PRKN: variants seen among roughly 807,000 people sequenced by gnomAD.
PRKN encodes E3 ubiquitin-protein ligase parkin.
In PRKN, 56 loss-of-function variants were observed where a neutral mutation model predicts 59.5. The observed-to-expected ratio is 0.94, with a 90% CI of 0.76 to 1.18. The LOEUF (loss-of-function observed/expected upper bound fraction) is 1.18. Among genes scored for constraint, PRKN ranks in the 50% most tolerant of loss-of-function variants. The pLI is 0.00. For missense variants in PRKN, 657 were observed against 596.4 expected (o/e 1.10, Z -1.06); for synonymous variants, 250 against 222.1 (o/e 1.13, Z -1.12).
rs117348630 is a variant in PRKN at position 161,643,460 on chromosome 6, A to C, written c.872-74044T>G. ...TAGGAGAACATTTTTTATGCTACTAAATTTAGATAACTCAAATTCAATAGT... is the reference window on the plus strand; with the variant it reads ...TAGGAGAACATTTTTTATGCTACTACATTTAGATAACTCAAATTCAATAGT... On this transcript the variant is annotated intron_variant, in intron 7 of 11. Coordinates refer to ENST00000366898, the MANE Select transcript of PRKN (RefSeq NM_004562.3). Among the ~76,000 whole-genome samples the C allele has an allele frequency of 4.9e-3, 749 of 152,316 alleles. 17 individuals carry two copies. The East Asian group carries it at 0.062, about 13-fold the overall frequency.
chr6:162,125,116 C>T (rs1210746371), intron 4 of PRKN, among the ~76,000 whole-genome samples: 1 of 152,172 alleles, frequency 6.6e-6, no homozygotes, highest in Non-Finnish European at 1.5e-5. Context: ...GACACGTAGT[C>T]CTCAGTTCTG....
intron 6 of PRKN, among the ~76,000 whole-genome samples, chr6:161,825,769 G>T (rs140862974): frequency 6.6e-6 from 1 of 152,170 alleles, no homozygotes; most frequent in East Asian, 1.9e-4. Flanking sequence ...GGAGGATTCT[G>T]GGTAAACAAA....
chr6:161,653,748 T>C (rs556994619), intron 7 of PRKN, among the ~76,000 whole-genome samples: 22 of 152,358 alleles, frequency 1.4e-4, no homozygotes, highest in African/African-American at 5.0e-4. Context: ...TGGGTCTTTA[T>C]AGATTTTCTT....
At chr6:162,277,116 C>T (rs1416231776) in intron 2 of PRKN, among the ~76,000 whole-genome samples, 1 of 152,020 alleles carries the variant, frequency 6.6e-6, no homozygotes, top group East Asian at 1.9e-4. Context: ...TTTTTGAAGG[C>T]ACTGATATAA....
chr6:161,632,836 AACTC>A (rs201791983), intron 7 of PRKN, among the ~76,000 whole-genome samples: 1,845 of 152,258 alleles, frequency 0.012, 30 homozygotes, highest in African/African-American at 0.043. Flanking sequence ...ATCTCGTGAG[AACTC>A]ACTCACTATC....
intron 6 of PRKN, among the ~76,000 whole-genome samples, chr6:161,846,370 T>G (rs918875892): frequency 6.6e-6 from 1 of 152,214 alleles, no homozygotes; most frequent in African/African-American, 2.4e-5. Flanking sequence ...CTATTTTACA[T>G]AGATTATCTT....
chr6:162,223,198 T>C (rs573884226), intron 3 of PRKN, among the ~76,000 whole-genome samples: 1 of 152,240 alleles, frequency 6.6e-6, no homozygotes, highest in African/African-American at 2.4e-5. Context: ...TCATCATTTT[T>C]TATGGCTGCA....
At chr6:162,353,489 CTAAG>C (rs1219524951) in intron 2 of PRKN, among the ~76,000 whole-genome samples, 1 of 151,824 alleles carries the variant, frequency 6.6e-6, no homozygotes, top group Non-Finnish European at 1.5e-5. Flanking sequence ...ATTTTAAAAA[CTAAG>C]TATACGTATA....
chr6:162,465,529 G>A (rs549706758), intron 1 of PRKN, among the ~76,000 whole-genome samples: 61 of 152,274 alleles, frequency 4.0e-4, no homozygotes, highest in African/African-American at 1.4e-3. Context: ...GTCAGAAGAA[G>A]CAGATTAAAC....
chr6:162,410,058 G>C, intron 2 of PRKN, among the ~76,000 whole-genome samples: 1 of 152,142 alleles, frequency 6.6e-6, no homozygotes, highest in East Asian at 1.9e-4. Context: ...TAAAATAATA[G>C]ATCAGCTGCA....
At chr6:161,606,119 G>C (rs1167507105) in intron 7 of PRKN, among the ~76,000 whole-genome samples, 2 of 152,168 alleles carry the variant, frequency 1.3e-5, no homozygotes, top group Non-Finnish European at 2.9e-5. Context: ...AAAGGTCTGG[G>C]GGAGCCATAA....
chr6:161,748,301 A>G lies in PRKN; in HGVS notation c.871+37471T>C, dbSNP rs1249451346. On this transcript the variant is annotated intron_variant, in intron 7 of 11. Coordinates refer to ENST00000366898, the MANE Select transcript of PRKN (RefSeq NM_004562.3). ...GATTTATCAGGTGAGTGAAGGAGAC[A>G]CGTCTTTTTTTTTTCTTTCTCCTTT... Among the ~76,000 whole-genome samples the G allele has an allele frequency of 3.3e-5, 5 of 152,078 alleles. No homozygotes were observed. The South Asian group carries it at 6.2e-4, about 19-fold the overall frequency.
chr6:162,363,541 T>C (rs1785263303), intron 2 of PRKN, among the ~76,000 whole-genome samples: 1 of 152,156 alleles, frequency 6.6e-6, no homozygotes, highest in South Asian at 2.1e-4. Flanking sequence ...AAAAGTGACA[T>C]TTTTCTTCTT....
At chr6:162,652,881 C>T (rs1778498777) in intron 1 of PRKN, among the ~76,000 whole-genome samples, 1 of 152,114 alleles carries the variant, frequency 6.6e-6, no homozygotes, top group African/African-American at 2.4e-5. Flanking sequence ...TGACTAAAAG[C>T]TTTGCTTTTT....
chr6:161,902,553 T>TCTATCTATCTA (rs58799782), intron 6 of PRKN, among the ~76,000 whole-genome samples: 1 of 112,200 alleles, frequency 8.9e-6, no homozygotes, highest in African/African-American at 3.8e-5. Flanking sequence ...TATCTATTTA[T>TCTATCTATCTA]TTATTTATTT....
intron 4 of PRKN, among the ~76,000 whole-genome samples, chr6:162,116,337 GA>G (rs1318656471): frequency 2.6e-5 from 4 of 152,144 alleles, no homozygotes; most frequent in Non-Finnish European, 5.9e-5. Context: ...ATTCCTACTT[GA>G]GTGTCCCACT....
At chr6:161,712,065 T>C (rs557410522) in intron 7 of PRKN, among the ~76,000 whole-genome samples, 15 of 152,288 alleles carry the variant, frequency 9.8e-5, no homozygotes, top group African/African-American at 3.4e-4. Flanking sequence ...CTTTCATATA[T>C]ACAACACCTA....
At chr6:161,891,283 C>G (rs916536923) in intron 6 of PRKN, among the ~76,000 whole-genome samples, 2 of 152,046 alleles carry the variant, frequency 1.3e-5, no homozygotes, top group Non-Finnish European at 1.5e-5. Flanking sequence ...ATGGGCGCCC[C>G]GAGGAAACAC....
intron 5 of PRKN, among the ~76,000 whole-genome samples, chr6:162,032,013 C>G (rs1025494629): frequency 6.6e-6 from 1 of 152,186 alleles, no homozygotes; most frequent in Non-Finnish European, 1.5e-5. Context: ...TTTACACCCT[C>G]TGGTTGCCTT....
Sources: gnomAD v4.1 joint callset for allele counts (sites outside exome capture counted in the v4.1 genomes callset) on GRCh38, gnomAD v4.1.1 for gene constraint, MANE v1.5 for transcripts, NCBI Gene and HGNC (gene_info 2026-07-23, HGNC 2026-07-21) for gene names.